NBEA: variants seen among roughly 807,000 people sequenced by gnomAD.
NBEA encodes the protein lysosomal-trafficking regulator 2.
In NBEA, 44 loss-of-function variants were observed where a neutral mutation model predicts 343.4. The ratio of observed to expected loss-of-function variants is 0.13; its 90% CI spans 0.10 to 0.16. The LOEUF (loss-of-function observed/expected upper bound fraction) is 0.16. Ranked by LOEUF, NBEA falls within the 10% of genes least tolerant of loss-of-function variation. The pLI, the probability that NBEA is intolerant of heterozygous loss-of-function variation, is 1.00. For missense variants in NBEA, 2,555 were observed against 3,631.3 expected, an observed-to-expected ratio of 0.70 and a Z score of 7.62; for synonymous variants, 1,175 against 1,238.7, an observed-to-expected ratio of 0.95 and a Z score of 1.08.
chr13:34,958,157 T>C (rs1267925505), intron 1 of NBEA, among the ~76,000 whole-genome samples: 1 of 152,150 alleles, frequency 6.6e-6, no homozygotes, highest in African/African-American at 2.4e-5. Flanking sequence ...TTTATATTTC[T>C]TTTAATGTGA....
At chr13:35,325,855 G>T (rs546709356) in intron 36 of NBEA, among the ~76,000 whole-genome samples, 1 of 152,132 alleles carries the variant, frequency 6.6e-6, no homozygotes, top group Admixed American at 6.6e-5. Context: ...TAGGGGTTCA[G>T]TTTCAACTTT....
chr13:35,662,354 G>A (rs1046250264), intron 55 of NBEA, among the ~76,000 whole-genome samples: 9 of 152,176 alleles, frequency 5.9e-5, no homozygotes, highest in African/African-American at 1.7e-4. Flanking sequence ...TCAGAGGGGC[G>A]GTCCACCTGC....
intron 1 of NBEA, among the ~76,000 whole-genome samples, chr13:34,952,087 A>G (rs2059366885): frequency 1.3e-5 from 2 of 152,218 alleles, no homozygotes. Context: ...TAATTAGACA[A>G]GGTTATCTAG....
chr13:35,185,863 G>T (rs2071663917), intron 30 of NBEA: 1 of 152,034 alleles, frequency 6.6e-6, no homozygotes, highest in Non-Finnish European at 1.5e-5. Flanking sequence ...AGTGGTTATT[G>T]GGGGAAAATG....
At chr13:35,283,076 C>T (rs1378903727) in intron 34 of NBEA, among the ~76,000 whole-genome samples, 1 of 152,036 alleles carries the variant, frequency 6.6e-6, no homozygotes, top group Non-Finnish European at 1.5e-5. Flanking sequence ...AATCAGGTTA[C>T]TAGTTTAAAT....
At chr13:35,102,100 A>G (rs1374570457) in intron 11 of NBEA, among the ~76,000 whole-genome samples, 2 of 151,332 alleles carry the variant, frequency 1.3e-5, no homozygotes, top group African/African-American at 4.9e-5. Context: ...CTTTTTTTCT[A>G]TAATCTATCT....
intron 39 of NBEA, among the ~76,000 whole-genome samples, chr13:35,446,258 A>G (rs2046036118): frequency 6.6e-6 from 1 of 152,096 alleles, no homozygotes; most frequent in Non-Finnish European, 1.5e-5. Flanking sequence ...GCTATTGTGT[A>G]TAGTGCCACA....
chr13:35,166,280 G>T (rs1051405031), intron 24 of NBEA, among the ~76,000 whole-genome samples: 1 of 152,054 alleles, frequency 6.6e-6, no homozygotes, highest in Non-Finnish European at 1.5e-5. Context: ...AAAGGCAAAA[G>T]ATCTTTAACT....
chr13:35,367,291 G>A (rs766986610), intron 38 of NBEA, among the ~76,000 whole-genome samples: 1 of 151,032 alleles, frequency 6.6e-6, no homozygotes, highest in Non-Finnish European at 1.5e-5. Flanking sequence ...GTATAAGTCC[G>A]CAGAAAAAAA....
intron 38 of NBEA, among the ~76,000 whole-genome samples, chr13:35,408,879 G>A (rs1230683317): frequency 2.0e-5 from 3 of 152,168 alleles, no homozygotes; most frequent in African/African-American, 4.8e-5. Flanking sequence ...GGAGAAAAAG[G>A]AACACTTGTA....
chr13:35,040,804 A>T, intron 1 of NBEA, 129 bp from the exon 2 acceptor site: 1 of 735,688 alleles, frequency 1.4e-6, no homozygotes, highest in East Asian at 2.6e-5. Flanking sequence ...CTTTTGATCA[A>T]AATTAATTTT....
chr13:35,292,220 A>G (rs2035847365), intron 35 of NBEA, among the ~76,000 whole-genome samples: 1 of 151,944 alleles, frequency 6.6e-6, no homozygotes, highest in African/African-American at 2.4e-5. Context: ...TTGCTCCATG[A>G]ATGTTTAAAA....
chr13:35,022,234 T>C (rs1032844606), intron 1 of NBEA, among the ~76,000 whole-genome samples: 1 of 152,132 alleles, frequency 6.6e-6, no homozygotes, highest in Admixed American at 6.6e-5. Context: ...TAAAGGTGGT[T>C]ATACAGCTTT....
intron 2 of NBEA, among the ~76,000 whole-genome samples, chr13:35,043,266 C>A (rs1398856474): frequency 6.6e-6 from 1 of 151,638 alleles, no homozygotes; most frequent in Non-Finnish European, 1.5e-5. Context: ...TTAAAAATTT[C>A]TAATTAAATA....
chr13:35,218,957 C>A (rs2074218736), intron 33 of NBEA, among the ~76,000 whole-genome samples: 2 of 151,948 alleles, frequency 1.3e-5, no homozygotes, highest in African/African-American at 4.8e-5. Flanking sequence ...GACACCTAAT[C>A]CTGGATCTCT....
At chr13:35,281,900 A>T (rs775685604) in intron 34 of NBEA, among the ~76,000 whole-genome samples, 2 of 151,950 alleles carry the variant, frequency 1.3e-5, no homozygotes, top group Non-Finnish European at 2.9e-5. Flanking sequence ...ATTTTATAGA[A>T]TATAAATTAT....
At chr13:35,242,512 A>C (rs2152779363) in intron 34 of NBEA, among the ~76,000 whole-genome samples, 1 of 152,026 alleles carries the variant, frequency 6.6e-6, no homozygotes, top group African/African-American at 2.4e-5. Flanking sequence ...TGGCTAAAAA[A>C]CTTCTCAAAT....
chr13:35,283,165 T>C (rs1024380558), intron 34 of NBEA, among the ~76,000 whole-genome samples: 1 of 152,138 alleles, frequency 6.6e-6, no homozygotes, highest in Non-Finnish European at 1.5e-5. Flanking sequence ...GTGAGTGTTA[T>C]GAACTTCAAT....
chr13:35,256,901 A>G (rs1340505932), intron 34 of NBEA, among the ~76,000 whole-genome samples: 1 of 152,186 alleles, frequency 6.6e-6, no homozygotes. Context: ...CAGGGTCTGG[A>G]GCCATGGCTG....
Sources: allele counts gnomAD v4.1 joint callset (sites outside exome capture counted in the v4.1 genomes callset), GRCh38; gene constraint gnomAD v4.1.1; transcripts MANE v1.5; gene names NCBI Gene and HGNC (gene_info 2026-07-23, HGNC 2026-07-21).